SPPL2A: variants seen among roughly 807,000 people sequenced by gnomAD.
SPPL2A encodes the protein signal peptide peptidase like 2A.
Under a neutral mutation model 63.8 loss-of-function variants are expected in SPPL2A, and 51 were observed. The observed-to-expected ratio is 0.80, with a 90% CI of 0.64 to 1.01. SPPL2A has a LOEUF of 1.01. SPPL2A is among the 50% of genes least tolerant of loss of function. The pLI is 0.00. For synonymous variants in SPPL2A, 188 were observed against 205.8 expected (o/e 0.91, Z 0.74); for missense variants, 553 against 622.7 (o/e 0.89, Z 1.19).
intron 10 of SPPL2A, among the ~76,000 whole-genome samples, chr15:50,729,011 A>C (rs2141032742): frequency 6.6e-6 from 1 of 151,938 alleles, no homozygotes; most frequent in East Asian, 2.0e-4. Flanking sequence ...ATGGGGTTTC[A>C]CTATGTTGGC....
At chr15:50,737,232 T>C (rs751307405) in intron 6 of SPPL2A, among the ~76,000 whole-genome samples, 1 of 152,070 alleles carries the variant, frequency 6.6e-6, no homozygotes, top group Non-Finnish European at 1.5e-5. Flanking sequence ...TAAATAGCGA[T>C]GAATTTAAGG....
At chr15:50,710,727 T>G (rs369018423) in intron 14 of SPPL2A, among the ~76,000 whole-genome samples, 2 of 152,192 alleles carry the variant, frequency 1.3e-5, no homozygotes, top group East Asian at 3.8e-4. Context: ...TTGCTGATAC[T>G]AAAGCAGAGT....
At chr15:50,728,258 A>G (rs982006023) in intron 10 of SPPL2A, among the ~76,000 whole-genome samples, 1 of 152,372 alleles carries the variant, frequency 6.6e-6, no homozygotes, top group East Asian at 1.9e-4. Flanking sequence ...TTTTGCTATG[A>G]GATCTCTCAT....
chr15:50,710,186 C>T (rs746468368), intron 14 of SPPL2A, among the ~76,000 whole-genome samples: 3 of 152,152 alleles, frequency 2.0e-5, no homozygotes, highest in Non-Finnish European at 2.9e-5. Context: ...TTCTTCCCCA[C>T]GATCTGCTTA....
At chr15:50,721,122 T>C (rs2062642856) in intron 13 of SPPL2A, among the ~76,000 whole-genome samples, 1 of 151,862 alleles carries the variant, frequency 6.6e-6, no homozygotes, top group African/African-American at 2.4e-5. Flanking sequence ...TTGAACCCAC[T>C]TCCCAGGTTC....
At chr15:50,729,548 G>A (rs768026310) in intron 10 of SPPL2A, among the ~76,000 whole-genome samples, 19 of 152,076 alleles carry the variant, frequency 1.2e-4, no homozygotes, top group Non-Finnish European at 2.2e-4. Flanking sequence ...TGGGCCTCAG[G>A]AGGTTAAGGC....
rs2062843987 is a variant in SPPL2A, at chr15:50,744,518, ATGAATATACACT to A, written c.584+2965_584+2976del. 4.6e-5 allele frequency among the ~76,000 whole-genome samples: 7 copies of A among 152,322 alleles called. No individual in the cohort carries two copies. In the South Asian group the frequency reaches 1.4e-3, roughly 32 times the overall value. ...GGGCACATTTTTTTCATTGAGAGTT[ATGAATATACACT>A]GACTCTTTTTAATTTAGAGCCAAAA... On this transcript the variant is annotated intron_variant, in intron 5 of 14. Transcript: ENST00000261854.
intron 1 of SPPL2A, among the ~76,000 whole-genome samples, chr15:50,759,944 T>C (rs2062995065): frequency 1.3e-5 from 2 of 152,110 alleles, no homozygotes; most frequent in Admixed American, 1.3e-4. Flanking sequence ...TATATAGCCA[T>C]TAGTGACTTA....
chr15:50,748,051 T>C (rs1350516666), intron 4 of SPPL2A, 62 bp downstream of exon 4: 3 of 668,382 alleles, frequency 4.5e-6, no homozygotes, highest in Admixed American at 3.8e-5. Context: ...TAAACATTAG[T>C]GATTAAAAAT....
chr15:50,743,535 A>G (rs931576300), intron 5 of SPPL2A, among the ~76,000 whole-genome samples: 1 of 151,760 alleles, frequency 6.6e-6, no homozygotes, highest in African/African-American at 2.4e-5. Context: ...TTTTGTAGAG[A>G]TGGGTCTCAC....
chr15:50,750,374 C>G (rs2062896263), intron 1 of SPPL2A, among the ~76,000 whole-genome samples: 1 of 152,156 alleles, frequency 6.6e-6, no homozygotes, highest in Non-Finnish European at 1.5e-5. Flanking sequence ...ACCACCGCAC[C>G]TGGCCATTGT....
In SPPL2A at chr15:50,764,547, A is replaced by G. The variant is rs149014214; in HGVS notation, c.66+921T>C. 6.9e-4 allele frequency: 105 copies of G among 152,368 alleles called. 2 individuals carry two copies. Among genetic ancestry groups the G allele is most frequent in the African/African-American group, 2.5e-3 (102 of 41,590 alleles). 9.4% of individuals were successfully genotyped at this position (152,368 alleles called of 1,614,324 possible). A position where few individuals can be genotyped will look rare whatever the true frequency, so the allele number is the denominator to read the frequency against. On this transcript the variant is annotated intron_variant, in intron 1 of 14. Transcript: ENST00000261854. Reference sequence around the variant, plus strand: ...GTCAGCAAAACAGTCTTTCAAAGAAATCACACATTCTAATAGAACGAAACA... The same window carrying G: ...GTCAGCAAAACAGTCTTTCAAAGAAGTCACACATTCTAATAGAACGAAACA...
intron 6 of SPPL2A, among the ~76,000 whole-genome samples, chr15:50,738,302 A>G (rs1216121287): frequency 6.6e-6 from 1 of 152,144 alleles, no homozygotes. Flanking sequence ...TAATCCTAGC[A>G]CTTTGGGAGG....
intron 10 of SPPL2A, among the ~76,000 whole-genome samples, chr15:50,727,495 T>C (rs2062695627): frequency 6.6e-6 from 1 of 152,188 alleles, no homozygotes; most frequent in Non-Finnish European, 1.5e-5. Context: ...TCATTTTGGT[T>C]CACTTTCTAA....
Position 50,702,639 on chromosome 15 carries a change from C to A in SPPL2A, c.*5161G>T, listed in dbSNP as rs889380640. The A allele has an allele frequency of 6.6e-6, 1 of 152,158 alleles. No homozygotes were observed. The highest frequency in any genetic ancestry group is 1.5e-5 in the Non-Finnish European group (1 of 68,030). The allele number at this position is 152,158 out of a possible 1,614,324, so 9.4% of individuals were successfully genotyped here. On this transcript the variant is annotated 3_prime_UTR_variant, in exon 15 of 15. Coordinates refer to ENST00000261854, the MANE Select transcript of SPPL2A (RefSeq NM_032802.4). ...GAAAATGTTGCAGGTTAACTTTAGA[C>A]ATTAAAAAGATTCATATTCCAAAGG...
At chr15:50,738,660 A>G (rs2062794043) in intron 6 of SPPL2A, among the ~76,000 whole-genome samples, 2 of 152,116 alleles carry the variant, frequency 1.3e-5, no homozygotes, top group Non-Finnish European at 2.9e-5. Flanking sequence ...GGTTCTTAAA[A>G]GGGCTTTTTG....
In SPPL2A at chr15:50,765,689, C is replaced by G; in HGVS notation, c.-156G>C. On this transcript the variant is annotated 5_prime_UTR_variant, in exon 1 of 15. Transcript: ENST00000261854. ...ACTGGACCGCCGCTGCTACAGCGGC[C>G]GCCACAGCAGCGCGACTTCCTCTTC... The G allele has an allele frequency of 2.4e-6, 1 of 420,200 alleles. No individual in the cohort carries two copies. The highest frequency in any genetic ancestry group is 4.1e-6 in the Non-Finnish European group (1 of 244,312). The allele number at this position is 420,200 out of a possible 1,614,324, so 26.0% of individuals were successfully genotyped here. A position where few individuals can be genotyped will look rare whatever the true frequency, so the allele number is the denominator to read the frequency against.
intron 11 of SPPL2A, chr15:50,725,963 C>G (rs1000346367): frequency 1.9e-6 from 1 of 525,316 alleles, no homozygotes; most frequent in Non-Finnish European, 3.1e-6. Flanking sequence ...GAAAACAGAA[C>G]AGGCCTAATT....
intron 1 of SPPL2A, among the ~76,000 whole-genome samples, chr15:50,752,344 G>T (rs1017862481): frequency 6.6e-6 from 1 of 151,994 alleles, no homozygotes; most frequent in African/African-American, 2.4e-5. Flanking sequence ...CACTTTGGGA[G>T]GCTGAGGCGG....
Sources: gnomAD v4.1 joint callset for allele counts (sites outside exome capture counted in the v4.1 genomes callset) on GRCh38, gnomAD v4.1.1 for gene constraint, MANE v1.5 for transcripts, NCBI Gene and HGNC (gene_info 2026-07-23, HGNC 2026-07-21) for gene names.